Variants in ANAPC10 observed in about 807,000 individuals in gnomAD.
ANAPC10 encodes the protein anaphase-promoting complex subunit 10.
In ANAPC10, 12 loss-of-function variants were observed where a neutral mutation model predicts 22.0. The observed-to-expected ratio is 0.55, with a 90% CI of 0.35 to 0.88. The LOEUF (loss-of-function observed/expected upper bound fraction) is 0.88, where lower values mean the gene tolerates loss of function less well. Ranked by LOEUF, ANAPC10 falls within the 40% of genes least tolerant of loss-of-function variation. The pLI, the probability that ANAPC10 is intolerant of heterozygous loss-of-function variation, is 0.01. For synonymous variants in ANAPC10, 65 were observed against 69.5 expected (o/e 0.94, Z 0.32); for missense variants, 188 against 220.9 (o/e 0.85, Z 0.94).
intron 4 of ANAPC10, among the ~76,000 whole-genome samples, chr4:145,042,536 T>C (rs1739662225): frequency 6.6e-6 from 1 of 152,192 alleles, no homozygotes; most frequent in Non-Finnish European, 1.5e-5. Context: ...ATTTCATTTT[T>C]TCATTATTTT....
chr4:145,060,532 T>G (rs1370327194), intron 4 of ANAPC10, among the ~76,000 whole-genome samples: 3 of 151,720 alleles, frequency 2.0e-5, no homozygotes, highest in African/African-American at 7.3e-5. Flanking sequence ...AATCAACAAT[T>G]ACAAAAAATA....
At chr4:145,023,783 G>A (rs900769709) in intron 4 of ANAPC10, among the ~76,000 whole-genome samples, 2 of 152,142 alleles carry the variant, frequency 1.3e-5, no homozygotes, top group African/African-American at 2.4e-5. Flanking sequence ...ACTGATCAGG[G>A]TGGTGTCGCT....
intron 2 of ANAPC10, 139 bp from the exon 3 acceptor site, chr4:145,081,889 T>A: frequency 2.9e-6 from 2 of 681,578 alleles, no homozygotes; most frequent in Non-Finnish European, 5.0e-6. Context: ...TTTATTTATT[T>A]TTTGTAGACA....
At chr4:144,996,434 G>A (rs1297345588) in intron 4 of ANAPC10, among the ~76,000 whole-genome samples, 1 of 152,140 alleles carries the variant, frequency 6.6e-6, no homozygotes, top group African/African-American at 2.4e-5. Flanking sequence ...GGTCTAAGGA[G>A]GGAGAAGGGA....
At chr4:145,005,808 T>C (rs1243227157) in intron 4 of ANAPC10, among the ~76,000 whole-genome samples, 1 of 152,092 alleles carries the variant, frequency 6.6e-6, no homozygotes, top group Non-Finnish European at 1.5e-5. Context: ...CTTTATTGCA[T>C]TGTAGTCTAA....
At chr4:145,076,812 C>T (rs1404206011) in intron 3 of ANAPC10, among the ~76,000 whole-genome samples, 2 of 152,208 alleles carry the variant, frequency 1.3e-5, no homozygotes, top group African/African-American at 4.8e-5. Flanking sequence ...TTTCATAATA[C>T]ATTCAGCAGT....
chr4:145,065,330 G>C (rs1018496414), intron 3 of ANAPC10, among the ~76,000 whole-genome samples: 12 of 151,884 alleles, frequency 7.9e-5, no homozygotes, highest in African/African-American at 2.7e-4. Context: ...ATGAAAATGT[G>C]TTCAACGTCT....
At chr4:145,076,522 C>G (rs1745222244) in intron 3 of ANAPC10, among the ~76,000 whole-genome samples, 2 of 152,214 alleles carry the variant, frequency 1.3e-5, no homozygotes, top group South Asian at 4.1e-4. Flanking sequence ...AGAATTCTGG[C>G]AAGTCTAAAA....
intron 4 of ANAPC10, among the ~76,000 whole-genome samples, chr4:145,032,518 AAAG>A (rs1253035942): frequency 6.6e-6 from 1 of 152,204 alleles, no homozygotes; most frequent in Non-Finnish European, 1.5e-5. Flanking sequence ...TGACCTCAGC[AAAG>A]AAGGAGTTTA....
chr4:145,064,594 A>G lies in ANAPC10; in HGVS notation c.305T>C (p.Phe102Ser). 2 of 1,606,740 alleles carry G rather than the reference A, an allele frequency of 1.2e-6. No individual in the cohort carries two copies. The highest frequency in any genetic ancestry group is 1.7e-6 in the Non-Finnish European group (2 of 1,176,662). The stretch of plus-strand genomic sequence containing the variant: ...TACCCGAATTTCTTGAAGGTTGTGA[A>G]AATTATTTCCTACTCTGACTGAGAT... The part of the protein sequence containing the change: ...SKISVRVGNN[F>S]HNLQEIRQLE... The change falls in exon 4 of 5, where the codon TTT (phenylalanine) becomes TCT (serine). Residue 102 changes from phenylalanine to serine, a missense_variant. By Grantham distance (155) the Phe-to-Ser change is radical. Coordinates refer to ENST00000507656, the MANE Select transcript of ANAPC10 (RefSeq NM_001256706.2).
chr4:145,079,017 A>G (rs1359849131), intron 3 of ANAPC10, among the ~76,000 whole-genome samples: 1 of 152,222 alleles, frequency 6.6e-6, no homozygotes, highest in African/African-American at 2.4e-5. Context: ...TTAAAACAAA[A>G]ATGTAAATTG....
intron 1 of ANAPC10, 120 bp downstream of exon 1, chr4:145,098,000 C>G (rs1167928990): frequency 6.1e-6 from 1 of 163,728 alleles, no homozygotes. Flanking sequence ...TAAGGCTCCA[C>G]TCCTGACCCA....
chr4:144,998,429 A>G (rs1038718669), intron 4 of ANAPC10, among the ~76,000 whole-genome samples: 9 of 152,242 alleles, frequency 5.9e-5, no homozygotes, highest in Admixed American at 3.9e-4. Flanking sequence ...CTCAGACCAC[A>G]GGGCAATAAA....
intron 2 of ANAPC10, among the ~76,000 whole-genome samples, chr4:145,091,471 G>A (rs2126649681): frequency 6.6e-6 from 1 of 152,006 alleles, no homozygotes; most frequent in Non-Finnish European, 1.5e-5. Context: ...ATACAATAAT[G>A]GATATTAAGG....
chr4:145,070,772 A>G (rs1420544440), intron 3 of ANAPC10, among the ~76,000 whole-genome samples: 1 of 152,244 alleles, frequency 6.6e-6, no homozygotes, highest in Non-Finnish European at 1.5e-5. Context: ...GGATAAACAA[A>G]ATGTGGCACA....
chr4:145,008,845 C>T (rs1733837496), intron 4 of ANAPC10, among the ~76,000 whole-genome samples: 1 of 152,072 alleles, frequency 6.6e-6, no homozygotes, highest in Non-Finnish European at 1.5e-5. Flanking sequence ...CCAGGGCAAT[C>T]AGGCAGGAAA....
At chr4:145,013,609 G>A (rs1440560319) in intron 4 of ANAPC10, among the ~76,000 whole-genome samples, 1 of 152,142 alleles carries the variant, frequency 6.6e-6, no homozygotes, top group Non-Finnish European at 1.5e-5. Flanking sequence ...CTCTGACTCG[G>A]ATGAACAGAG....
chr4:145,001,632 C>T lies in ANAPC10; in HGVS notation c.328-6029G>A, dbSNP rs560787078. ...AGCACTACTGCCAACCCAAAGACTG[C>T]CAGGTCACTTCTGAATAGGAACCAC... On this transcript the variant is annotated intron_variant, in intron 4 of 4. Transcript: ENST00000507656. Among the ~76,000 whole-genome samples the T allele has an allele frequency of 1.4e-4, 22 of 152,296 alleles. No individual in the cohort carries two copies. In the South Asian group the frequency reaches 1.9e-3, roughly 13 times the overall value.
At chr4:145,020,374 A>G (rs1006468517) in intron 4 of ANAPC10, among the ~76,000 whole-genome samples, 2 of 152,218 alleles carry the variant, frequency 1.3e-5, no homozygotes, top group African/African-American at 4.8e-5. Flanking sequence ...CATTTGACAA[A>G]ATCCAGCATC....
Sources: gnomAD v4.1 joint callset for allele counts (sites outside exome capture counted in the v4.1 genomes callset) on GRCh38, gnomAD v4.1.1 for gene constraint, MANE v1.5 for transcripts, NCBI Gene and HGNC (gene_info 2026-07-23, HGNC 2026-07-21) for gene names.